Variants in IGFBP4 observed in about 807,000 individuals in gnomAD.
IGFBP4 encodes the protein insulin-like growth factor-binding protein 4.
IGFBP4 carries 9 observed loss-of-function variants against 25.8 expected under a neutral mutation model. That is an observed-to-expected ratio of 0.35 (90% CI 0.21 to 0.61). The LOEUF is 0.61. Ranked by LOEUF, IGFBP4 falls within the 20% of genes least tolerant of loss-of-function variation. IGFBP4 has a pLI of 0.77. For synonymous variants in IGFBP4, 153 were observed against 153.9 expected, an observed-to-expected ratio of 0.99 and a Z score of 0.05; for missense variants, 315 against 365.3, an observed-to-expected ratio of 0.86 and a Z score of 1.12.
At chr17:40,444,922 CACACAGAG>C (rs1488840493) in intron 1 of IGFBP4, among the ~76,000 whole-genome samples, 1,047 of 84,140 alleles carry the variant, frequency 0.012, 8 homozygotes, top group Non-Finnish European at 0.016. Context: ...CACACACACA[CACACAGAG>C]ACAGAGAGAG....
At position 40,453,034 on chromosome 17, in the gene IGFBP4, C is replaced by T. The variant is rs2035694520; in HGVS notation, c.399C>T (p.Ala133=). 3 of 1,594,104 alleles carry T rather than the reference C, an allele frequency of 1.9e-6. No individual in the cohort carries two copies. Among genetic ancestry groups the T allele is most frequent in the Admixed American group, 3.5e-5 (2 of 57,034 alleles). The change falls in exon 2 of 4, where the codon GCC becomes GCT. Residue 133 remains alanine (A), a synonymous_variant. Coordinates refer to ENST00000269593, the MANE Select transcript of IGFBP4 (RefSeq NM_001552.3). The surrounding 1 kb of genome is among the most constrained non-coding windows in gnomAD (Gnocchi z 4.0). ...ACAACAGCTTCAGCCCCTGTAGCGC[C>T]CATGACCGCAGGTGCCTGCAGAAGC... The part of the protein sequence containing the change: ...HPNNSFSPCS[A]HDRRCLQKHF...
intron 1 of IGFBP4, among the ~76,000 whole-genome samples, chr17:40,445,466 C>G (rs1023207694): frequency 6.6e-6 from 1 of 152,234 alleles, no homozygotes; most frequent in African/African-American, 2.4e-5. Flanking sequence ...TCCTGGGACC[C>G]AAACCCTCCA....
intron 3 of IGFBP4, among the ~76,000 whole-genome samples, chr17:40,455,176 G>T (rs1255505241): frequency 6.6e-6 from 1 of 152,078 alleles, no homozygotes; most frequent in African/African-American, 2.4e-5. Context: ...AGAGTACAGG[G>T]TTTCAATGTA....
At chr17:40,450,782 C>T (rs1240908272) in intron 1 of IGFBP4, among the ~76,000 whole-genome samples, 1 of 151,724 alleles carries the variant, frequency 6.6e-6, no homozygotes, top group Non-Finnish European at 1.5e-5. Flanking sequence ...ACCTCGGCCT[C>T]TCAAAGCACT....
chr17:40,447,788 C>T (rs1372071971), intron 1 of IGFBP4, among the ~76,000 whole-genome samples: 1 of 152,090 alleles, frequency 6.6e-6, no homozygotes, highest in Non-Finnish European at 1.5e-5. Flanking sequence ...GGGCGTCTGG[C>T]ATCGGGTAAG....
intron 1 of IGFBP4, among the ~76,000 whole-genome samples, chr17:40,445,753 G>A (rs1418440711): frequency 4.6e-5 from 7 of 152,278 alleles, no homozygotes; most frequent in Admixed American, 3.3e-4. Flanking sequence ...GGGAGCAAGG[G>A]CCGAGCCCTT....
intron 1 of IGFBP4, among the ~76,000 whole-genome samples, chr17:40,448,732 G>T (rs2035665183): frequency 6.6e-6 from 1 of 152,182 alleles, no homozygotes; most frequent in South Asian, 2.1e-4. Flanking sequence ...TCCTGGGGTG[G>T]CTCTTCAGTC....
intron 1 of IGFBP4, among the ~76,000 whole-genome samples, chr17:40,447,416 G>C (rs2035655029): frequency 6.6e-6 from 1 of 152,238 alleles, no homozygotes; most frequent in Non-Finnish European, 1.5e-5. Flanking sequence ...GAGTTCCTAA[G>C]CTGGGCTCTC....
intron 3 of IGFBP4, 78 bp downstream of exon 3, chr17:40,454,140 G>T: frequency 6.6e-7 from 1 of 1,510,836 alleles, no homozygotes. Flanking sequence ...GATGGTCCTG[G>T]ATGGAGATCT....
intron 1 of IGFBP4, among the ~76,000 whole-genome samples, chr17:40,452,526 A>C (rs758401749): frequency 3.9e-5 from 6 of 152,142 alleles, no homozygotes; most frequent in Non-Finnish European, 7.3e-5. Context: ...AGCAGAGTCC[A>C]CAGCCCTGGG....
At chr17:40,452,813 G>C (rs764055995) in intron 1 of IGFBP4, among the ~76,000 whole-genome samples, 172 bp from the exon 2 acceptor site, 1 of 152,070 alleles carries the variant, frequency 6.6e-6, no homozygotes, top group Non-Finnish European at 1.5e-5. Flanking sequence ...CCAGGGGAGA[G>C]GGGAGGAGGT....
intron 3 of IGFBP4, 87 bp downstream of exon 3, chr17:40,454,149 C>T: frequency 2.7e-6 from 4 of 1,496,404 alleles, no homozygotes; most frequent in Non-Finnish European, 3.6e-6. Context: ...GGATGGAGAT[C>T]TCAGGAAGGG....
At chr17:40,455,187 C>T (rs1487153768) in intron 3 of IGFBP4, among the ~76,000 whole-genome samples, 1 of 152,120 alleles carries the variant, frequency 6.6e-6, no homozygotes, top group Admixed American at 6.5e-5. Context: ...TTTCAATGTA[C>T]TGTCATCCAC....
At chr17:40,445,566 G>C (rs779822812) in intron 1 of IGFBP4, among the ~76,000 whole-genome samples, 2 of 152,240 alleles carry the variant, frequency 1.3e-5, no homozygotes, top group Non-Finnish European at 2.9e-5. Context: ...TGGGCCTCGG[G>C]CCTCTCTGCC....
Position 40,453,033 on chromosome 17 carries a change from C to A in IGFBP4, c.398C>A (p.Ala133Asp). 6.3e-7 allele frequency: 1 copy of A among 1,594,208 alleles called. No homozygotes were observed. ...HPNNSFSPCS[A>D]HDRRCLQKHF... is the part of the protein sequence containing the mutation. ...AACAACAGCTTCAGCCCCTGTAGCG[C>A]CCATGACCGCAGGTGCCTGCAGAAG... is the stretch of plus-strand genomic sequence containing the variant. The change falls in exon 2 of 4, where the codon GCC (alanine) becomes GAC (aspartate). Residue 133 changes from alanine to aspartate, a missense_variant. Physicochemically the swap from Ala to Asp is moderately radical, Grantham distance 126 (BLOSUM62 -2). Transcript: ENST00000269593. The surrounding 1 kb of genome is among the most constrained non-coding windows in gnomAD (Gnocchi z 4.0).
rs10305310 is a variant in IGFBP4 at position 40,456,736 on chromosome 17, C to T, written c.*153C>T. 1,219 of 697,162 alleles carry T rather than the reference C, an allele frequency of 1.7e-3. 17 individuals carry two copies. In the East Asian group the frequency reaches 0.031, roughly 18 times the overall value. The allele number at this position is 697,162 out of a possible 1,614,324, so 43.2% of individuals were successfully genotyped here. A position where few individuals can be genotyped will look rare whatever the true frequency, so the allele number is the denominator to read the frequency against. On this transcript the variant is annotated 3_prime_UTR_variant, in exon 4 of 4. Coordinates refer to ENST00000269593, the MANE Select transcript of IGFBP4 (RefSeq NM_001552.3). ...ATGCGCGTGTGCACGTGTGCGTGTGCGTGCGTGTGTGTGTGTTTGTGAGCA... is the reference window on the plus strand; with the variant it reads ...ATGCGCGTGTGCACGTGTGCGTGTGTGTGCGTGTGTGTGTGTTTGTGAGCA...
In IGFBP4 at chr17:40,453,119, C is replaced by T; in HGVS notation, c.484C>T (p.Pro162Ser). Residue 162 changes from proline to serine, a missense_variant, in exon 2 of 4, where the codon CCC (proline) becomes TCC (serine). Pro to Ser is a moderately conservative substitution (Grantham distance 74). Transcript: ENST00000269593. The surrounding 1 kb of genome is among the most constrained non-coding windows in gnomAD (Gnocchi z 4.0). Reference sequence around the variant, plus strand: ...GGGCAAGATGAAGGTCAATGGGGCGCCCCGGGAGGATGCCCGGCCTGTGGT... The same window carrying T: ...GGGCAAGATGAAGGTCAATGGGGCGTCCCGGGAGGATGCCCGGCCTGTGGT... The part of the protein sequence containing the change: ...SGGKMKVNGA[P>S]REDARPVPQG... 1.3e-6 allele frequency: 2 copies of T among 1,580,770 alleles called. No homozygotes were observed. Among genetic ancestry groups the T allele is most frequent in the Non-Finnish European group, 8.6e-7 (1 of 1,162,508 alleles).
rs1223036148 is a variant in IGFBP4 at position 40,457,509 on chromosome 17, G to C, written c.*926G>C. 1 of 151,934 alleles carries C rather than the reference G, an allele frequency of 6.6e-6. No individual in the cohort carries two copies. Among genetic ancestry groups the C allele is most frequent in the East Asian group, 1.9e-4 (1 of 5,172 alleles). The allele number at this position is 151,934 out of a possible 1,614,324, so 9.4% of individuals were successfully genotyped here. A position where few individuals can be genotyped will look rare whatever the true frequency, so the allele number is the denominator to read the frequency against. On this transcript the variant is annotated 3_prime_UTR_variant, in exon 4 of 4. Transcript: ENST00000269593. ...TTGTGGTCACAGCCATGAAGTCACC[G>C]GGATGAACCTATCCTTCCAGTGGCT... is the stretch of plus-strand genomic sequence containing the variant.
chr17:40,447,563 C>T (rs1597674220), intron 1 of IGFBP4, among the ~76,000 whole-genome samples: 2 of 152,214 alleles, frequency 1.3e-5, no homozygotes, highest in East Asian at 3.9e-4. Context: ...AATTCTGTGC[C>T]TTGTGGGGAG....
Sources: gnomAD v4.1 joint callset for allele counts (sites outside exome capture counted in the v4.1 genomes callset) on GRCh38, gnomAD v4.1.1 for gene constraint, Gnocchi (gnomAD v3.1) non-coding constraint, MANE v1.5 for transcripts, NCBI Gene and HGNC (gene_info 2026-07-23, HGNC 2026-07-21) for gene names.